HGF: variants seen among roughly 807,000 people sequenced by gnomAD.
The protein encoded by HGF is fibroblast-derived tumor cytotoxic factor.
A neutral mutation model predicts 111.6 loss-of-function variants in HGF; 39 were observed. The ratio of observed to expected loss-of-function variants is 0.35; its 90% CI spans 0.27 to 0.46. The LOEUF (loss-of-function observed/expected upper bound fraction) is 0.46. Among genes scored for constraint, HGF ranks in the 20% least tolerant of loss-of-function variants. The pLI, the probability that HGF is intolerant of heterozygous loss-of-function variation, is 1.00. For synonymous variants in HGF, 285 were observed against 294.8 expected (o/e 0.97, Z 0.34); for missense variants, 735 against 910.5 (o/e 0.81, Z 2.48).
chr7:81,711,371 C>T, intron 12 of HGF, 110 bp downstream of exon 12: 1 of 540,562 alleles, frequency 1.8e-6, no homozygotes. Context: ...AGATTAACTT[C>T]TTTTTATAAT....
At position 81,706,313 on chromosome 7, in the gene HGF, T is replaced by G; in HGVS notation, c.1731A>C (p.Ser577=). The change falls in exon 15 of 18, where the codon TCA becomes TCC. Residue 577 remains serine (S), a synonymous_variant. Transcript: ENST00000222390. ...TGGCAAGCTTCATTAAAACCAGATC[T>G]GATCCTTCAGGGCCATATACCAGCT... ...VSQLVYGPEG[S]DLVLMKLARP... is the part of the protein sequence containing the mutation. The G allele has an allele frequency of 6.2e-7, 1 of 1,612,876 alleles. No homozygotes were observed. Among genetic ancestry groups the G allele is most frequent in the Non-Finnish European group, 8.5e-7 (1 of 1,179,174 alleles).
chr7:81,765,228 A>G (rs1789298653), intron 1 of HGF, among the ~76,000 whole-genome samples: 1 of 152,056 alleles, frequency 6.6e-6, no homozygotes, highest in African/African-American at 2.4e-5. Context: ...TCTCAATGCC[A>G]CGCAAAATGA....
intron 7 of HGF, among the ~76,000 whole-genome samples, chr7:81,735,734 T>C (rs1029612262): frequency 5.9e-5 from 9 of 152,082 alleles, no homozygotes; most frequent in African/African-American, 2.2e-4. Context: ...GCTGCAGATT[T>C]GCTGATTTAA....
chr7:81,753,247 G>A (rs985992880), intron 4 of HGF, among the ~76,000 whole-genome samples: 1 of 151,920 alleles, frequency 6.6e-6, no homozygotes, highest in Non-Finnish European at 1.5e-5. Flanking sequence ...TGTGATATTG[G>A]ACTCAACAAT....
chr7:81,756,270 C>T (rs1359230061), intron 4 of HGF: 7 of 534,316 alleles, frequency 1.3e-5, no homozygotes, highest in Non-Finnish European at 2.0e-5. Flanking sequence ...AATAAAACTA[C>T]CCGCTGTGTG....
chr7:81,721,141 A>G (rs552549606), intron 9 of HGF, among the ~76,000 whole-genome samples: 9 of 152,044 alleles, frequency 5.9e-5, no homozygotes, highest in South Asian at 2.1e-4. Flanking sequence ...CAGCTACTCG[A>G]GAGGCTGAAG....
rs747549889 is a variant in HGF at position 81,752,219 on chromosome 7, A to G, written c.526T>C (p.Tyr176His). 1.2e-6 allele frequency: 2 copies of G among 1,613,576 alleles called. No homozygotes were observed. The highest frequency in any genetic ancestry group is 3.3e-5 in the Admixed American group (2 of 60,000). ...TCTTCCCCTCGAGGATTTCGACAGT[A>G]GTTTTCCTGTAGGTCTTTACCCCGA... The part of the protein sequence containing the change: ...SYRGKDLQEN[Y>H]CRNPRGEEGG... The change falls in exon 5 of 18, where the codon TAC (tyrosine) becomes CAC (histidine). Residue 176 changes from tyrosine to histidine, a missense_variant. Physicochemically the swap from Tyr to His is moderately conservative, Grantham distance 83. Around this residue, in one of 3 missense-constraint regions of HGF, gnomAD observed 553 missense variants for 685.6 expected, o/e 0.81. Coordinates refer to ENST00000222390, the MANE Select transcript of HGF (RefSeq NM_000601.6).
intron 7 of HGF, among the ~76,000 whole-genome samples, chr7:81,736,185 A>G (rs1787819143): frequency 6.6e-6 from 1 of 152,110 alleles, no homozygotes; most frequent in South Asian, 2.1e-4. Flanking sequence ...CTGCCATTTC[A>G]GTTACCTGTG....
chr7:81,718,444 T>C (rs1789770575), intron 10 of HGF, among the ~76,000 whole-genome samples: 1 of 152,192 alleles, frequency 6.6e-6, no homozygotes, highest in Non-Finnish European at 1.5e-5. Flanking sequence ...AGCTGGGGTT[T>C]GAACCCATGG....
intron 8 of HGF, among the ~76,000 whole-genome samples, chr7:81,726,923 A>T (rs912205673): frequency 6.6e-6 from 1 of 151,994 alleles, no homozygotes; most frequent in African/African-American, 2.4e-5. Context: ...TTCCTTTTTA[A>T]TAACTATATT....
At position 81,699,045 on chromosome 7, in the gene HGF, A is replaced by C. The variant is rs910443513; in HGVS notation, c.*3536T>G. Reference sequence around the variant, plus strand: ...ATATTTTATTAATAATAATAATATAATCATGGTTATAAAAATAACAACTTT... The same window carrying C: ...ATATTTTATTAATAATAATAATATACTCATGGTTATAAAAATAACAACTTT... On this transcript the variant is annotated 3_prime_UTR_variant, in exon 18 of 18. Transcript: ENST00000222390. The C allele has an allele frequency of 2.6e-5, 4 of 151,450 alleles. No individual in the cohort carries two copies. The highest frequency in any genetic ancestry group is 5.9e-5 in the Non-Finnish European group (4 of 67,636). 9.4% of individuals were successfully genotyped at this position (151,450 alleles called of 1,614,324 possible). A position where few individuals can be genotyped will look rare whatever the true frequency, so the allele number is the denominator to read the frequency against.
chr7:81,724,079 A>C (rs1444983146), intron 9 of HGF, among the ~76,000 whole-genome samples: 1 of 152,170 alleles, frequency 6.6e-6, no homozygotes, highest in Non-Finnish European at 1.5e-5. Context: ...ATGTATATAA[A>C]ATATCTTAAT....
At position 81,705,375 on chromosome 7, in the gene HGF, G is replaced by C. The variant is rs2115758734; in HGVS notation, c.2010+15C>G. On this transcript the variant is annotated intron_variant, in intron 17 of 17. Coordinates refer to ENST00000222390, the MANE Select transcript of HGF (RefSeq NM_000601.6). ...TATGAATCACATACTCCTTATTAAAGAACTTCCTTTTTACCTCACATGGTC... is the reference window on the plus strand; with the variant it reads ...TATGAATCACATACTCCTTATTAAACAACTTCCTTTTTACCTCACATGGTC... 6.2e-7 allele frequency: 1 copy of C among 1,610,004 alleles called. No individual in the cohort carries two copies. Among genetic ancestry groups the C allele is most frequent in the Non-Finnish European group, 8.5e-7 (1 of 1,176,964 alleles).
chr7:81,754,637 A>G (rs1583996952), intron 4 of HGF, among the ~76,000 whole-genome samples: 1 of 151,724 alleles, frequency 6.6e-6, no homozygotes, highest in Non-Finnish European at 1.5e-5. Flanking sequence ...CATATCAAAA[A>G]CCTCTCTAGG....
intron 17 of HGF, among the ~76,000 whole-genome samples, chr7:81,703,994 T>G (rs186998111): frequency 6.6e-6 from 1 of 151,918 alleles, no homozygotes; most frequent in East Asian, 1.9e-4. Flanking sequence ...TCTGGAGACT[T>G]TCACTAAATA....
chr7:81,748,644 G>A lies in HGF; in HGVS notation c.625+3476C>T, dbSNP rs553223430. On this transcript the variant is annotated intron_variant, in intron 5 of 17. Coordinates refer to ENST00000222390, the MANE Select transcript of HGF (RefSeq NM_000601.6). ...ATTGCTGTCAGTACATTATTTACCT[G>A]CTCCAGCAAGTTCTCCTCTAAAACA... is the stretch of plus-strand genomic sequence containing the variant. 2.0e-5 allele frequency among the ~76,000 whole-genome samples: 3 copies of A among 148,510 alleles called. No individual in the cohort carries two copies. In the South Asian group the frequency reaches 6.6e-4, roughly 32 times the overall value.
At chr7:81,742,671 T>A in intron 7 of HGF, 1 of 1,278,122 alleles carries the variant, frequency 7.8e-7, no homozygotes, top group Non-Finnish European at 1.0e-6. Flanking sequence ...AGTTCACAGA[T>A]TGAAAGGAAC....
chr7:81,725,752 T>C (rs902969544), intron 9 of HGF, 138 bp downstream of exon 9: 42 of 1,000,678 alleles, frequency 4.2e-5, no homozygotes, highest in Non-Finnish European at 6.2e-5. Context: ...AAAATCCAGC[T>C]TCAAACTTGG....
chr7:81,749,081 A>G, intron 5 of HGF, among the ~76,000 whole-genome samples: 1 of 152,174 alleles, frequency 6.6e-6, no homozygotes, highest in East Asian at 1.9e-4. Flanking sequence ...TCACAAATTA[A>G]CATATATAAA....
Sources: gnomAD v4.1 joint callset for allele counts (sites outside exome capture counted in the v4.1 genomes callset) on GRCh38, gnomAD v4.1.1 for gene constraint, gnomAD v4.1.1 regional missense constraint, MANE v1.5 for transcripts, NCBI Gene and HGNC (gene_info 2026-07-23, HGNC 2026-07-21) for gene names.